The following CNTN4 variants were observed in gnomAD, a reference collection of about 807,000 sequenced individuals.
CNTN4 encodes the protein contactin 4.
CNTN4 carries 77 observed loss-of-function variants against 122.5 expected under a neutral mutation model. That is an observed-to-expected ratio of 0.63 (90% CI 0.52 to 0.76). The LOEUF (loss-of-function observed/expected upper bound fraction) is 0.76. Among genes scored for constraint, CNTN4 ranks in the 30% least tolerant of loss-of-function variants. CNTN4 has a pLI of 0.00. For missense variants in CNTN4, 1,256 were observed against 1,259.1 expected, an observed-to-expected ratio of 1.00 and a Z score of 0.04; for synonymous variants, 512 against 447.0, an observed-to-expected ratio of 1.15 and a Z score of -1.83.
rs573166351 is a variant in CNTN4 at position 2,670,547 on chromosome 3, A to G, written c.56-65668A>G. 1.4e-4 allele frequency among the ~76,000 whole-genome samples: 20 copies of G among 146,174 alleles called. No homozygotes were observed. The South Asian group carries it at 4.8e-3, about 35-fold the overall frequency. On this transcript the variant is annotated intron_variant, in intron 4 of 24. Coordinates refer to ENST00000418658, the MANE Select transcript of CNTN4 (RefSeq NM_175607.3). ...ACTGATGGATCTTGACTCTTTATCC[A>G]ATTTGCCAGTCTGTGTCTTTTAATT... is the stretch of plus-strand genomic sequence containing the variant.
At chr3:2,412,727 A>C (rs1219306825) in intron 3 of CNTN4, among the ~76,000 whole-genome samples, 2 of 152,186 alleles carry the variant, frequency 1.3e-5, no homozygotes, top group Non-Finnish European at 2.9e-5. Context: ...GCATGTGTGC[A>C]TCATACGTAT....
At chr3:2,271,996 A>T (rs2041317801) in intron 2 of CNTN4, among the ~76,000 whole-genome samples, 1 of 152,154 alleles carries the variant, frequency 6.6e-6, no homozygotes. Context: ...ATGTTAAGTA[A>T]AAAAACAGGT....
rs58084301 is a variant in CNTN4, at chr3:2,440,881, GTATA to G, written c.-89+101657_-89+101660del. Among the ~76,000 whole-genome samples, 3 of 129,820 alleles carry G rather than the reference GTATA, an allele frequency of 2.3e-5. 1 individual carries two copies. Among genetic ancestry groups the G allele is most frequent in the Middle Eastern group, 9.2e-3 (2 of 218 alleles). The allele number at this position is 129,820 out of a possible 152,430, so 85.2% of individuals were successfully genotyped here. Reference sequence around the variant, plus strand: ...ATATATCTAACATATATGTATATATGTATATATATATACATGTATATAACAAAAA... The same window carrying G: ...ATATATCTAACATATATGTATATATGTATATATACATGTATATAACAAAAA... On this transcript the variant is annotated intron_variant, in intron 3 of 24. Coordinates refer to ENST00000418658, the MANE Select transcript of CNTN4 (RefSeq NM_175607.3).
intron 3 of CNTN4, among the ~76,000 whole-genome samples, chr3:2,415,695 T>C (rs1382149303): frequency 6.6e-6 from 1 of 152,214 alleles, no homozygotes; most frequent in Non-Finnish European, 1.5e-5. Flanking sequence ...TCTTTTATTC[T>C]TCTATTAATA....
intron 2 of CNTN4, among the ~76,000 whole-genome samples, chr3:2,299,467 C>T (rs1343060126): frequency 6.6e-6 from 1 of 151,982 alleles, no homozygotes. Flanking sequence ...TCCCATACCC[C>T]CACCCTCTTT....
intron 6 of CNTN4, among the ~76,000 whole-genome samples, chr3:2,749,647 C>T (rs908799695): frequency 6.6e-6 from 1 of 152,056 alleles, no homozygotes; most frequent in Non-Finnish European, 1.5e-5. Flanking sequence ...TTCAGTAACA[C>T]AACAAAGAAA....
At chr3:2,452,872 A>G (rs940519691) in intron 3 of CNTN4, among the ~76,000 whole-genome samples, 1 of 152,064 alleles carries the variant, frequency 6.6e-6, no homozygotes, top group Non-Finnish European at 1.5e-5. Flanking sequence ...ACCCCAGAGA[A>G]GCCTAGACCC....
chr3:2,693,763 A>C (rs2085867460), intron 4 of CNTN4, among the ~76,000 whole-genome samples: 1 of 152,180 alleles, frequency 6.6e-6, no homozygotes, highest in Non-Finnish European at 1.5e-5. Context: ...ACACCGAGGA[A>C]CTTGCATCGT....
At position 2,806,765 on chromosome 3, in the gene CNTN4, G is replaced by A. The variant is rs78693302; in HGVS notation, c.359-12721G>A. Among the ~76,000 whole-genome samples the A allele has an allele frequency of 7.2e-3, 1,101 of 152,274 alleles. 20 individuals are homozygous for A. Among genetic ancestry groups the A allele is most frequent in the African/African-American group, 0.024 (1,001 of 41,548 alleles). ...AGTACCAAACTAAATCAGGACTGCT[G>A]TGTCACTTGGCACTACTTCACGTCC... On this transcript the variant is annotated intron_variant, in intron 6 of 24. Transcript: ENST00000418658.
At chr3:2,977,542 C>T (rs1178538193) in intron 13 of CNTN4, among the ~76,000 whole-genome samples, 1 of 151,880 alleles carries the variant, frequency 6.6e-6, no homozygotes, top group African/African-American at 2.4e-5. Context: ...AATTGCAAGT[C>T]TCTGTTAGCT....
At chr3:2,185,462 C>G (rs2037206780) in intron 2 of CNTN4, among the ~76,000 whole-genome samples, 1 of 152,054 alleles carries the variant, frequency 6.6e-6, no homozygotes, top group African/African-American at 2.4e-5. Flanking sequence ...GGGTCTGAAA[C>G]TTAGGGGATT....
At chr3:2,669,447 T>C (rs1443976703) in intron 4 of CNTN4, among the ~76,000 whole-genome samples, 2 of 152,218 alleles carry the variant, frequency 1.3e-5, no homozygotes, top group Non-Finnish European at 2.9e-5. Context: ...ATCCCCTTTG[T>C]CATTTTTTAT....
chr3:2,647,713 T>G (rs1392115451), intron 4 of CNTN4, among the ~76,000 whole-genome samples: 2 of 152,176 alleles, frequency 1.3e-5, no homozygotes, highest in Non-Finnish European at 2.9e-5. Context: ...GGGACATATT[T>G]CCTCACAAAC....
intron 4 of CNTN4, among the ~76,000 whole-genome samples, chr3:2,667,662 T>C (rs1400984338): frequency 6.0e-5 from 8 of 133,488 alleles, no homozygotes; most frequent in Non-Finnish European, 9.5e-5. Flanking sequence ...ATGAAGTCCT[T>C]GCCCACGCCT....
At chr3:2,634,304 A>G (rs1431382490) in intron 4 of CNTN4, among the ~76,000 whole-genome samples, 1 of 152,216 alleles carries the variant, frequency 6.6e-6, no homozygotes, top group Admixed American at 6.5e-5. Flanking sequence ...GGAGAATTAC[A>G]CTTTTTAAAA....
In CNTN4 at chr3:2,745,700, A is replaced by G; in HGVS notation, c.358+3A>G. 6.2e-7 allele frequency: 1 copy of G among 1,613,798 alleles called. No homozygotes were observed. The highest frequency in any genetic ancestry group is 1.3e-5 in the African/African-American group (1 of 75,058). ...AGAAGCAAAGCTTCAGTTTGCTTGT[A>G]AGTAGCAATTATACAATGCTGCAAA... On this transcript the variant is annotated splice_donor_region_variant and intron_variant, in intron 6 of 24. Transcript: ENST00000418658.
intron 13 of CNTN4, among the ~76,000 whole-genome samples, chr3:2,962,238 A>T (rs1205640540): frequency 1.3e-5 from 2 of 152,220 alleles, no homozygotes; most frequent in Non-Finnish European, 2.9e-5. Flanking sequence ...TATGTAATAA[A>T]ATGTTTATCC....
At chr3:2,378,528 C>G (rs2045906360) in intron 3 of CNTN4, among the ~76,000 whole-genome samples, 1 of 152,108 alleles carries the variant, frequency 6.6e-6, no homozygotes, top group South Asian at 2.1e-4. Context: ...CTCTGCTACT[C>G]TCATTCATTT....
chr3:2,720,199 T>G (rs1391014551), intron 4 of CNTN4, among the ~76,000 whole-genome samples: 2 of 152,194 alleles, frequency 1.3e-5, no homozygotes, highest in African/African-American at 4.8e-5. Context: ...TATTTCCTAT[T>G]TTTTGCTACA....
Sources: allele counts gnomAD v4.1 joint callset (sites outside exome capture counted in the v4.1 genomes callset), GRCh38; gene constraint gnomAD v4.1.1; transcripts MANE v1.5; gene names NCBI Gene and HGNC (gene_info 2026-07-23, HGNC 2026-07-21).